Variants in KDM4C observed in about 807,000 individuals in gnomAD.
The protein encoded by KDM4C is lysine-specific demethylase 4C.
A neutral mutation model predicts 129.3 loss-of-function variants in KDM4C; 81 were observed. That is an observed-to-expected ratio of 0.63 (90% CI 0.52 to 0.75). The LOEUF (loss-of-function observed/expected upper bound fraction) is 0.75. Ranked by LOEUF, KDM4C falls within the 30% of genes least tolerant of loss-of-function variation. The pLI is 0.00. For synonymous variants in KDM4C, 573 were observed against 456.1 expected (o/e 1.26, Z -3.26); for missense variants, 1,457 against 1,304.0 (o/e 1.12, Z -1.81).
intron 17 of KDM4C, chr9:7,076,353 T>A: frequency 4.1e-6 from 4 of 969,110 alleles, no homozygotes; most frequent in Non-Finnish European, 6.5e-6. Flanking sequence ...GTTTGTCTCA[T>A]GCTAAAGCCC....
chr9:7,067,041 A>G (rs144225378), intron 17 of KDM4C, among the ~76,000 whole-genome samples: 116 of 152,286 alleles, frequency 7.6e-4, no homozygotes, highest in African/African-American at 2.7e-3. Context: ...TAAGAATCCT[A>G]TTTTTCATAA....
chr9:6,977,544 A>G (rs904184434), intron 8 of KDM4C, among the ~76,000 whole-genome samples: 2 of 152,208 alleles, frequency 1.3e-5, no homozygotes, highest in African/African-American at 2.4e-5. Flanking sequence ...ACAGTGGAGA[A>G]TGAAGAAGTC....
chr9:6,833,895 C>T (rs1835361915), intron 4 of KDM4C, among the ~76,000 whole-genome samples: 2 of 152,092 alleles, frequency 1.3e-5, no homozygotes, highest in Non-Finnish European at 1.5e-5. Context: ...CTGTCAGAGC[C>T]GTGAAGAATG....
intron 17 of KDM4C, among the ~76,000 whole-genome samples, chr9:7,087,085 G>C (rs958900281): frequency 1.1e-5 from 1 of 91,200 alleles, no homozygotes; most frequent in African/African-American, 4.8e-5. Flanking sequence ...CAACTTACGT[G>C]GCTCTTTTTT....
At chr9:6,750,438 CAA>C (rs1185293523) in intron 1 of KDM4C, among the ~76,000 whole-genome samples, 13 of 101,846 alleles carry the variant, frequency 1.3e-4, no homozygotes, top group Non-Finnish European at 1.2e-4. Context: ...GACTCTGTCT[CAA>C]AAAAAAAAAA....
chr9:7,162,475 T>A (rs1193597621), intron 19 of KDM4C, among the ~76,000 whole-genome samples: 2 of 152,212 alleles, frequency 1.3e-5, no homozygotes, highest in East Asian at 3.9e-4. Context: ...TCTAACTATC[T>A]CAGGCATTGT....
chr9:6,962,611 A>G (rs1287662922), intron 8 of KDM4C, among the ~76,000 whole-genome samples: 1 of 152,162 alleles, frequency 6.6e-6, no homozygotes, highest in African/African-American at 2.4e-5. Context: ...AGTCAACATG[A>G]TAGATTCTGT....
At chr9:6,795,011 T>A (rs182683265) in intron 2 of KDM4C, among the ~76,000 whole-genome samples, 7 of 152,360 alleles carry the variant, frequency 4.6e-5, no homozygotes, top group Admixed American at 4.6e-4. Flanking sequence ...TTTATTATTG[T>A]TCTAAATGTT....
chr9:7,134,739 C>T (rs891378725), intron 19 of KDM4C, among the ~76,000 whole-genome samples: 1 of 152,146 alleles, frequency 6.6e-6, no homozygotes, highest in African/African-American at 2.4e-5. Context: ...ACCATATTGG[C>T]TAGGAGTCTA....
At chr9:6,798,629 A>G (rs948787078) in intron 2 of KDM4C, among the ~76,000 whole-genome samples, 1 of 152,174 alleles carries the variant, frequency 6.6e-6, no homozygotes, top group Non-Finnish European at 1.5e-5. Context: ...AAAGTCTCCC[A>G]TGTCTACTTC....
chr9:6,761,729 A>ATC (rs1204219301), intron 1 of KDM4C, among the ~76,000 whole-genome samples: 3 of 152,156 alleles, frequency 2.0e-5, no homozygotes, highest in Non-Finnish European at 4.4e-5. Flanking sequence ...CTGTACTTTG[A>ATC]TTAAGCTCAA....
intron 17 of KDM4C, among the ~76,000 whole-genome samples, chr9:7,089,907 G>A (rs538987279): frequency 5.3e-5 from 8 of 152,336 alleles, no homozygotes; most frequent in South Asian, 2.1e-4. Context: ...TTGAATGGCC[G>A]TCAGCTGGGT....
intron 17 of KDM4C, among the ~76,000 whole-genome samples, chr9:7,053,263 GTTTA>G (rs1830454950): frequency 6.6e-6 from 1 of 152,272 alleles, no homozygotes; most frequent in South Asian, 2.1e-4. Context: ...ATTGTTAGTC[GTTTA>G]TTTATTCAGA....
At chr9:6,914,634 A>G (rs150319682) in intron 8 of KDM4C, among the ~76,000 whole-genome samples, 8 of 152,366 alleles carry the variant, frequency 5.3e-5, no homozygotes, top group Non-Finnish European at 8.8e-5. Context: ...TTAAACCCCA[A>G]TACACTAGTA....
chr9:6,860,343 C>G (rs549226098), intron 5 of KDM4C, among the ~76,000 whole-genome samples: 1 of 152,098 alleles, frequency 6.6e-6, no homozygotes, highest in South Asian at 2.1e-4. Context: ...TGAGTTATGT[C>G]TTGACGGAGG....
intron 12 of KDM4C, among the ~76,000 whole-genome samples, chr9:6,998,631 A>G (rs1327390801): frequency 1.3e-5 from 2 of 152,168 alleles, no homozygotes; most frequent in Admixed American, 6.5e-5. Flanking sequence ...CCCTGCCTCT[A>G]CTAAAAATAC....
At chr9:6,952,437 AATT>A (rs1342230497) in intron 8 of KDM4C, among the ~76,000 whole-genome samples, 3 of 149,056 alleles carry the variant, frequency 2.0e-5, no homozygotes, top group Non-Finnish European at 4.4e-5. Context: ...ATATAATAAT[AATT>A]ATTATTATAT....
chr9:7,011,257 A>G (rs1220918240), intron 12 of KDM4C, among the ~76,000 whole-genome samples: 3 of 152,186 alleles, frequency 2.0e-5, no homozygotes, highest in Non-Finnish European at 2.9e-5. Flanking sequence ...ACTTTTATTG[A>G]GCCATGTACT....
chr9:6,910,126 T>C (rs1163820051), intron 8 of KDM4C, among the ~76,000 whole-genome samples: 1 of 152,200 alleles, frequency 6.6e-6, no homozygotes, highest in Non-Finnish European at 1.5e-5. Flanking sequence ...TTAAGGAAAT[T>C]TGATACATCT....
Sources: allele counts gnomAD v4.1 joint callset (sites outside exome capture counted in the v4.1 genomes callset), GRCh38; gene constraint gnomAD v4.1.1; transcripts MANE v1.5; gene names NCBI Gene and HGNC (gene_info 2026-07-23, HGNC 2026-07-21).